Variants in PAK1 observed in about 807,000 individuals in gnomAD.
PAK1 encodes the protein serine/threonine-protein kinase PAK 1.
A neutral mutation model predicts 67.4 loss-of-function variants in PAK1; 29 were observed. The ratio of observed to expected loss-of-function variants is 0.43; its 90% confidence interval spans 0.32 to 0.59. The LOEUF (loss-of-function observed/expected upper bound fraction) is 0.59, where lower values mean the gene tolerates loss of function less well. Ranked by LOEUF, PAK1 falls within the 20% of genes least tolerant of loss-of-function variation. The pLI, the probability that PAK1 is intolerant of heterozygous loss-of-function variation, is 0.07. For synonymous variants in PAK1, 223 were observed against 237.4 expected (o/e 0.94, Z 0.56); for missense variants, 337 against 670.7 (o/e 0.50, Z 5.50).
At chr11:77,429,056 TAAAAAAAAAAAAAAA>T (rs566874549) in intron 1 of PAK1, among the ~76,000 whole-genome samples, 87 of 48,986 alleles carry the variant, frequency 1.8e-3, no homozygotes, top group South Asian at 6.7e-3. Context: ...CATTTAATAC[TAAAAAAAAAAAAAAA>T]AAAAAAAAAA....
At chr11:77,399,038 G>C (rs1219408740) in intron 1 of PAK1, among the ~76,000 whole-genome samples, 1 of 152,184 alleles carries the variant, frequency 6.6e-6, no homozygotes, top group African/African-American at 2.4e-5. Context: ...ACATATGAAA[G>C]GTATGTACAC....
chr11:77,472,280 C>T (rs959716892), intron 1 of PAK1, among the ~76,000 whole-genome samples: 1 of 152,158 alleles, frequency 6.6e-6, no homozygotes, highest in Non-Finnish European at 1.5e-5. Context: ...GTTCCCAAAA[C>T]CCTTTTTGAA....
chr11:77,386,071 A>C (rs74523500), intron 2 of PAK1, among the ~76,000 whole-genome samples: 3,154 of 152,220 alleles, frequency 0.021, 106 homozygotes, highest in African/African-American at 0.073. Flanking sequence ...GCGGGAAAAG[A>C]AGCTTCCAAC....
At chr11:77,359,081 C>T in intron 5 of PAK1, 64 bp from the exon 6 acceptor site, 1 of 1,507,598 alleles carries the variant, frequency 6.6e-7, no homozygotes. Context: ...CTATCAGGAT[C>T]ACCAAACCTC....
At chr11:77,354,021 G>A (rs1945654628) in intron 7 of PAK1, among the ~76,000 whole-genome samples, 1 of 151,974 alleles carries the variant, frequency 6.6e-6, no homozygotes, top group African/African-American at 2.4e-5. Flanking sequence ...TGTGATAAAA[G>A]CCAAAGGGGT....
chr11:77,343,784 G>C (rs1296419071), intron 10 of PAK1, 35 bp downstream of exon 10: 1 of 1,241,414 alleles, frequency 8.1e-7, no homozygotes, highest in Admixed American at 1.7e-5. Context: ...AGTCCCAAAG[G>C]CCCTTTCCCT....
the PAK1 span, among the ~76,000 whole-genome samples, chr11:77,495,727 T>G: frequency 6.6e-6 from 1 of 152,198 alleles, no homozygotes; most frequent in Admixed American, 6.5e-5. Flanking sequence ...AAAGAACTTC[T>G]TGCACATGCT....
rs749649558 is a variant in PAK1 at position 77,332,710 on chromosome 11, C to T, written c.1551+20G>A. On this transcript the variant is annotated intron_variant, in intron 14 of 14. Transcript: ENST00000356341. Reference sequence around the variant, plus strand: ...TAGTGATTCCCTGAATTAGGTGCTTCCCTGCATAAGGACAGTTACCTGTAG... The same window carrying T: ...TAGTGATTCCCTGAATTAGGTGCTTTCCTGCATAAGGACAGTTACCTGTAG... 7 of 1,607,728 alleles carry T rather than the reference C, an allele frequency of 4.4e-6. No homozygotes were observed. Among genetic ancestry groups the T allele is most frequent in the Admixed American group, 3.3e-5 (2 of 59,906 alleles).
At chr11:77,456,983 C>T (rs1315802373) in intron 1 of PAK1, among the ~76,000 whole-genome samples, 2 of 152,078 alleles carry the variant, frequency 1.3e-5, no homozygotes, top group Non-Finnish European at 1.5e-5. Context: ...CCTTGTGATC[C>T]GCCCGCCTCG....
chr11:77,336,963 T>G (rs1465529641), intron 12 of PAK1, among the ~76,000 whole-genome samples: 1 of 151,892 alleles, frequency 6.6e-6, no homozygotes, highest in Non-Finnish European at 1.5e-5. Flanking sequence ...CAATAAAAGT[T>G]TGCTGAATAA....
At chr11:77,502,444 C>T in the PAK1 span, among the ~76,000 whole-genome samples, 1 of 152,208 alleles carries the variant, frequency 6.6e-6, no homozygotes, top group Non-Finnish European at 1.5e-5. Context: ...ATGATAGACA[C>T]ATAATGTGTC....
intron 2 of PAK1, among the ~76,000 whole-genome samples, chr11:77,384,636 A>G (rs921982392): frequency 6.6e-6 from 1 of 152,248 alleles, no homozygotes; most frequent in African/African-American, 2.4e-5. Context: ...GCTAAGTGAA[A>G]GAAGCCAGTC....
At chr11:77,384,353 T>C (rs574496364) in intron 2 of PAK1, among the ~76,000 whole-genome samples, 3 of 152,134 alleles carry the variant, frequency 2.0e-5, no homozygotes, top group African/African-American at 7.2e-5. Flanking sequence ...CCCAGGGATA[T>C]AGTATCCCTG....
rs75332963 is a variant in PAK1, at chr11:77,447,379, G to T, written c.-22+26173C>A. Among the ~76,000 whole-genome samples the T allele has an allele frequency of 5.5e-3, 840 of 152,270 alleles. 4 individuals carry two copies. The highest frequency in any genetic ancestry group is 9.1e-3 in the Non-Finnish European group (619 of 68,016). On this transcript the variant is annotated intron_variant, in intron 1 of 14. Transcript: ENST00000356341. The stretch of plus-strand genomic sequence containing the variant: ...CAAAAATAGGACAAAACTTGGAGGC[G>T]AAAGATTTCATAAGCACTAACACTG...
chr11:77,405,713 A>ACACC (rs1953446204), intron 1 of PAK1, among the ~76,000 whole-genome samples: 3 of 134,764 alleles, frequency 2.2e-5, no homozygotes, highest in African/African-American at 5.5e-5. Context: ...ACACACACAC[A>ACACC]CCCTTCCCTT....
At chr11:77,353,655 G>A in intron 7 of PAK1, 56 bp from the exon 8 acceptor site, 1 of 1,394,256 alleles carries the variant, frequency 7.2e-7, no homozygotes, top group Non-Finnish European at 1.0e-6. Context: ...ATACAAAAAA[G>A]GTTCCACATT....
chr11:77,480,585 G>A, the PAK1 span, among the ~76,000 whole-genome samples: 17 of 149,116 alleles, frequency 1.1e-4, no homozygotes, highest in Admixed American at 4.7e-4. Context: ...GTGCAGTGGC[G>A]CAATCTCAAC....
At chr11:77,403,116 C>G (rs1469367515) in intron 1 of PAK1, among the ~76,000 whole-genome samples, 1 of 152,226 alleles carries the variant, frequency 6.6e-6, no homozygotes, top group Admixed American at 6.5e-5. Context: ...TACACCCTAC[C>G]TATCAGTGTA....
chr11:77,458,648 G>C (rs923502377), intron 1 of PAK1, among the ~76,000 whole-genome samples: 1 of 152,158 alleles, frequency 6.6e-6, no homozygotes, highest in African/African-American at 2.4e-5. Flanking sequence ...ACAAAGAGGG[G>C]TGAATGTACA....
Sources: gnomAD v4.1 joint callset for allele counts (sites outside exome capture counted in the v4.1 genomes callset) on GRCh38, gnomAD v4.1.1 for gene constraint, MANE v1.5 for transcripts, NCBI Gene and HGNC (gene_info 2026-07-23, HGNC 2026-07-21) for gene names.